MERTK: variants seen among roughly 807,000 people sequenced by gnomAD.
The protein encoded by MERTK is MER proto-oncogene, tyrosine kinase.
In MERTK, 69 loss-of-function variants were observed where a neutral mutation model predicts 99.3. That is an observed-to-expected ratio of 0.70 (90% CI 0.57 to 0.85). The LOEUF (loss-of-function observed/expected upper bound fraction) is 0.85, where lower values mean the gene tolerates loss of function less well. Ranked by LOEUF, MERTK falls within the 40% of genes least tolerant of loss-of-function variation. The probability of loss-of-function intolerance (pLI) is 0.00; values close to 1 mark genes in which losing one functional copy is unlikely to be tolerated. For missense variants in MERTK, 1,125 were observed against 1,249.4 expected (o/e 0.90, Z 1.50); for synonymous variants, 426 against 467.6 (o/e 0.91, Z 1.15).
chr2:111,931,502 G>A (rs372270196), intron 2 of MERTK, among the ~76,000 whole-genome samples: 47 of 152,154 alleles, frequency 3.1e-4, no homozygotes, highest in African/African-American at 1.1e-3. Flanking sequence ...CCTGGCCAAC[G>A]TAGTGAAACC....
At chr2:111,940,763 AT>A in intron 2 of MERTK, 1 of 984,232 alleles carries the variant, frequency 1.0e-6, no homozygotes, top group Non-Finnish European at 1.6e-6. Context: ...TTATCTCCAT[AT>A]TCAAATCTAA....
chr2:112,003,287 G>C (rs1278659152), intron 12 of MERTK, 100 bp downstream of exon 12: 2 of 681,880 alleles, frequency 2.9e-6, no homozygotes, highest in African/African-American at 3.6e-5. Flanking sequence ...AGCATCTCAG[G>C]ACTCTGAGTT....
intron 13 of MERTK, among the ~76,000 whole-genome samples, 159 bp from the exon 14 acceptor site, chr2:112,008,224 C>A (rs1677024678): frequency 6.6e-6 from 1 of 152,124 alleles, no homozygotes; most frequent in South Asian, 2.1e-4. Flanking sequence ...CTTATCTCCC[C>A]TAGCCCTACT....
rs773839570 is a variant in MERTK, at chr2:111,947,543, TC to T, written c.738del (p.Ser247ProfsTer3). The T allele has an allele frequency of 6.2e-7, 1 of 1,613,956 alleles. No individual in the cohort carries two copies. The highest frequency in any genetic ancestry group is 1.1e-5 in the South Asian group (1 of 91,066). ...SSRVNEQPEK[S>X]PSVLTVPGLT... Reference sequence around the variant, plus strand: ...CCGTGTTAACGAACAGCCTGAAAAATCCCCCTCCGTGCTAACTGTTCCAGGT... The same window carrying T: ...CCGTGTTAACGAACAGCCTGAAAAATCCCCTCCGTGCTAACTGTTCCAGGT... On this transcript the variant is annotated frameshift_variant, in exon 4 of 19. Transcript: ENST00000295408. LOFTEE classifies it high-confidence loss of function.
rs1684341476 is a variant in MERTK at position 111,915,868 on chromosome 2, C to G, written c.62-13252C>G. ...TGAGATTGCACTATTGCACTCTAGC[C>G]TGGGCAACAAGAGCAAAAACTCCAT... On this transcript the variant is annotated intron_variant, in intron 1 of 18. Transcript: ENST00000295408. 2.0e-5 allele frequency among the ~76,000 whole-genome samples: 3 copies of G among 152,106 alleles called. No homozygotes were observed. The South Asian group carries it at 6.2e-4, about 32-fold the overall frequency.
intron 1 of MERTK, among the ~76,000 whole-genome samples, chr2:111,925,292 A>ATATATATATATATTTTT (rs372747015): frequency 4.1e-5 from 1 of 24,498 alleles, no homozygotes; most frequent in Non-Finnish European, 7.3e-5. Context: ...ATATATATAT[A>ATATATATATATATTTTT]TTTTTTTTTT....
At chr2:111,970,829 CCTCCTCCTT>C (rs1234199986) in intron 6 of MERTK, among the ~76,000 whole-genome samples, 12 of 115,166 alleles carry the variant, frequency 1.0e-4, no homozygotes, top group East Asian at 2.9e-4. Flanking sequence ...CCTCCTCCTC[CCTCCTCCTT>C]CTCCTCCTTC....
intron 2 of MERTK, among the ~76,000 whole-genome samples, chr2:111,933,632 T>A (rs572808280): frequency 1.9e-4 from 29 of 152,184 alleles, no homozygotes; most frequent in Non-Finnish European, 3.4e-4. Flanking sequence ...CATGATGAGG[T>A]CTCTAGATTG....
chr2:111,949,843 C>CT (rs560024103), intron 4 of MERTK, among the ~76,000 whole-genome samples: 166 of 152,268 alleles, frequency 1.1e-3, no homozygotes, highest in African/African-American at 3.8e-3. Context: ...AAAGTATGTA[C>CT]TTTTTTGTGT....
intron 11 of MERTK, among the ~76,000 whole-genome samples, chr2:112,002,794 TA>T (rs1468829706): frequency 1.3e-5 from 2 of 152,012 alleles, no homozygotes; most frequent in African/African-American, 4.8e-5. Context: ...GCCCAGATGA[TA>T]AAACCCGTCT....
chr2:111,984,352 G>T (rs1276343469), intron 8 of MERTK, among the ~76,000 whole-genome samples: 1 of 152,136 alleles, frequency 6.6e-6, no homozygotes, highest in Non-Finnish European at 1.5e-5. Context: ...ATCATGTTGA[G>T]CCACATAGCT....
intron 9 of MERTK, 58 bp from the exon 10 acceptor site, chr2:111,997,265 C>G (rs750097395): frequency 2.6e-5 from 41 of 1,565,740 alleles, no homozygotes; most frequent in Non-Finnish European, 1.5e-5. Flanking sequence ...TTCCCTGTTA[C>G]AAGCCAGTGT....
intron 4 of MERTK, among the ~76,000 whole-genome samples, chr2:111,949,150 A>T (rs757931298): frequency 6.6e-6 from 1 of 151,860 alleles, no homozygotes; most frequent in Non-Finnish European, 1.5e-5. Context: ...ATCACTCTTA[A>T]CTGTTTTAGG....
chr2:111,974,386 C>CA, intron 6 of MERTK, among the ~76,000 whole-genome samples: 1 of 150,292 alleles, frequency 6.7e-6, no homozygotes, highest in African/African-American at 2.4e-5. Context: ...GACTCCATCT[C>CA]AAAAAAAGTA....
chr2:111,902,368 T>A (rs1185444270), intron 1 of MERTK, among the ~76,000 whole-genome samples: 1 of 152,224 alleles, frequency 6.6e-6, no homozygotes, highest in Non-Finnish European at 1.5e-5. Context: ...AACAGTCGCT[T>A]TCCATATAAT....
intron 16 of MERTK, among the ~76,000 whole-genome samples, chr2:112,021,031 T>TAA (rs763950331): frequency 1.7e-5 from 2 of 115,826 alleles, no homozygotes; most frequent in Admixed American, 8.9e-5. Context: ...CCATGTCTAC[T>TAA]AAAAAAAAAA....
chr2:111,944,823 C>G, intron 2 of MERTK, 137 bp from the exon 3 acceptor site: 1 of 735,688 alleles, frequency 1.4e-6, no homozygotes, highest in Non-Finnish European at 2.3e-6. Context: ...CAAACAACTG[C>G]GTACAATGGC....
chr2:111,986,176 G>A (rs906837204), intron 8 of MERTK, among the ~76,000 whole-genome samples: 6 of 152,216 alleles, frequency 3.9e-5, no homozygotes, highest in African/African-American at 1.4e-4. Flanking sequence ...AATGATCATG[G>A]TATTAATTCA....
intron 2 of MERTK, among the ~76,000 whole-genome samples, chr2:111,931,871 A>G (rs1166560012): frequency 1.3e-5 from 2 of 152,072 alleles, no homozygotes; most frequent in East Asian, 3.9e-4. Flanking sequence ...CTATTTTCCA[A>G]AGGAAGAGAT....
Sources: gnomAD v4.1 joint callset for allele counts (sites outside exome capture counted in the v4.1 genomes callset) on GRCh38, gnomAD v4.1.1 for gene constraint, MANE v1.5 for transcripts, NCBI Gene and HGNC (gene_info 2026-07-23, HGNC 2026-07-21) for gene names.